Variants in TBX20 observed in about 807,000 individuals in gnomAD.
The protein encoded by TBX20 is T-box transcription factor 20.
In TBX20, 8 loss-of-function variants were observed where a neutral mutation model predicts 42.9. The ratio of observed to expected loss-of-function variants is 0.19; its 90% CI spans 0.11 to 0.34. The LOEUF is 0.34. Among genes scored for constraint, TBX20 ranks in the 10% least tolerant of loss-of-function variants. The pLI, the probability that TBX20 is intolerant of heterozygous loss-of-function variation, is 1.00. For missense variants in TBX20, 411 were observed against 566.0 expected, an observed-to-expected ratio of 0.73 and a Z score of 2.78; for synonymous variants, 198 against 222.8, an observed-to-expected ratio of 0.89 and a Z score of 0.99.
At chr7:35,208,559 A>G (rs1030793176) in intron 6 of TBX20, among the ~76,000 whole-genome samples, 1 of 152,034 alleles carries the variant, frequency 6.6e-6, no homozygotes, top group Non-Finnish European at 1.5e-5. Context: ...CCTGACCAAC[A>G]TGGAGAAACC....
At chr7:35,212,964 A>G (rs1490808859) in intron 6 of TBX20, among the ~76,000 whole-genome samples, 12 of 152,070 alleles carry the variant, frequency 7.9e-5, no homozygotes, top group Non-Finnish European at 1.6e-4. Context: ...TGTCTGTCCT[A>G]TGAATTCTCA....
Position 35,245,041 on chromosome 7 carries a change from C to T in TBX20, c.562G>A (p.Asp188Asn), listed in dbSNP as rs1790154297. The change falls in exon 4 of 8, where the codon GAT becomes AAT. Residue 188 changes from aspartate (D) to asparagine (N), a missense_variant. Asp to Asn is a conservative substitution (Grantham distance 23). Around this residue, in one of 5 missense-constraint regions of TBX20, gnomAD observed 121 missense variants for 165.9 expected, o/e 0.73. Coordinates refer to ENST00000408931, the MANE Select transcript of TBX20 (RefSeq NM_001077653.2). ...PLPARLYVHPDSPFTGEQLLK... is the reference protein window; with the variant it reads ...PLPARLYVHPNSPFTGEQLLK... ...AGTTGCTCACCGGTAAAAGGAGAAT[C>T]TGGATGCACATAGAGCCTAAGAAAA... is the stretch of plus-strand genomic sequence containing the variant. 1.2e-6 allele frequency: 2 copies of T among 1,613,192 alleles called. No homozygotes were observed. The highest frequency in any genetic ancestry group is 1.7e-6 in the Non-Finnish European group (2 of 1,179,432).
chr7:35,225,448 C>T (rs2128712683), intron 6 of TBX20, among the ~76,000 whole-genome samples: 1 of 152,118 alleles, frequency 6.6e-6, no homozygotes, highest in East Asian at 1.9e-4. Context: ...GTTAGTTAAC[C>T]TGTTTGTGTG....
Position 35,253,390 on chromosome 7 carries a change from A to T in TBX20, c.127+104T>A. The stretch of plus-strand genomic sequence containing the variant: ...ATCTCCCACCCGCGATGTATGGCTC[A>T]TGGCTTGAGCATCAGACGTTGCTGC... On this transcript the variant is annotated intron_variant, in intron 1 of 7. Transcript: ENST00000408931. The T allele has an allele frequency of 2.2e-6, 3 of 1,384,884 alleles. No individual in the cohort carries two copies. In the South Asian group the frequency reaches 3.7e-5, roughly 17 times the overall value. 85.8% of individuals were successfully genotyped at this position (1,384,884 alleles called of 1,614,324 possible). A position where few individuals can be genotyped will look rare whatever the true frequency, so the allele number is the denominator to read the frequency against.
At chr7:35,212,880 A>T (rs1789521219) in intron 6 of TBX20, among the ~76,000 whole-genome samples, 1 of 152,118 alleles carries the variant, frequency 6.6e-6, no homozygotes, top group Non-Finnish European at 1.5e-5. Flanking sequence ...GATCCTCTAT[A>T]AATCTTTGGA....
At position 35,249,207 on chromosome 7, in the gene TBX20, C is replaced by T. The variant is rs1235784453; in HGVS notation, c.381-366G>A. On this transcript the variant is annotated intron_variant, in intron 2 of 7. Transcript: ENST00000408931. This position sits in a 1 kb window ranked among gnomAD's most constrained non-coding sequence, Gnocchi z 4.3. ...CAGGACCCGAAGTCCCTGGAGCTGA[C>T]CCAGTCACACAACTCACCCGCATCC... Among the ~76,000 whole-genome samples, 3 of 152,210 alleles carry T rather than the reference C, an allele frequency of 2.0e-5. No individual in the cohort carries two copies. Among genetic ancestry groups the T allele is most frequent in the Non-Finnish European group, 4.4e-5 (3 of 68,038 alleles).
chr7:35,228,421 T>C (rs1487239190), intron 6 of TBX20, among the ~76,000 whole-genome samples: 1 of 152,080 alleles, frequency 6.6e-6, no homozygotes, highest in Non-Finnish European at 1.5e-5. Flanking sequence ...AAAGAATATA[T>C]AATGGGGTTT....
At chr7:35,251,292 T>C (rs141537525) in intron 1 of TBX20, among the ~76,000 whole-genome samples, 8 of 152,356 alleles carry the variant, frequency 5.3e-5, no homozygotes, top group African/African-American at 1.9e-4. Context: ...ATGTACATGA[T>C]GTGTGTGGGC....
chr7:35,212,678 T>G (rs1481303864), intron 6 of TBX20, among the ~76,000 whole-genome samples: 2 of 152,220 alleles, frequency 1.3e-5, no homozygotes, highest in East Asian at 3.8e-4. Context: ...GCAAAACCCT[T>G]CTGAATAGTC....
chr7:35,244,909 T>C, intron 4 of TBX20, 40 bp downstream of exon 4: 1 of 1,472,104 alleles, frequency 6.8e-7, no homozygotes, highest in South Asian at 1.1e-5. Context: ...CTGTCCATTC[T>C]ACCTCAGGGA....
chr7:35,208,080 CT>C (rs201373955), intron 6 of TBX20, among the ~76,000 whole-genome samples: 2,329 of 152,268 alleles, frequency 0.015, 46 homozygotes, highest in African/African-American at 0.052. Context: ...GTACATCCTT[CT>C]GTTTCATTAG....
Position 35,202,757 on chromosome 7 carries a change from T to G in TBX20, c.1017A>C (p.Thr339=), listed in dbSNP as rs112054378. Reference sequence around the variant, plus strand: ...AGCTGAGAGACAAATTATCAGATGTTGTAAAGGCTGACCCTGTAAGGAAAA... The same window carrying G: ...AGCTGAGAGACAAATTATCAGATGTGGTAAAGGCTGACCCTGTAAGGAAAA... ...QTTPNRGSAF[T]TSDNLSLSSW... Residue 339 remains threonine (T), a synonymous_variant, in exon 8 of 8, where the codon ACA becomes ACC. Transcript: ENST00000408931. 1,433 of 1,555,136 alleles carry G rather than the reference T, an allele frequency of 9.2e-4. 11 individuals carry two copies. In the African/African-American group the frequency reaches 0.017, roughly 19 times the overall value.
At chr7:35,245,908 G>C (rs1308399904) in intron 3 of TBX20, among the ~76,000 whole-genome samples, 1 of 152,194 alleles carries the variant, frequency 6.6e-6, no homozygotes, top group Non-Finnish European at 1.5e-5. Context: ...AAGTCAGAGA[G>C]AGACTACAGA....
At chr7:35,228,210 CA>C (rs1347618797) in intron 6 of TBX20, among the ~76,000 whole-genome samples, 1 of 151,874 alleles carries the variant, frequency 6.6e-6, no homozygotes, top group African/African-American at 2.4e-5. Context: ...TTTGTGACAG[CA>C]AAAAATCAGA....
chr7:35,215,113 C>T (rs1789562120), intron 6 of TBX20, among the ~76,000 whole-genome samples: 3 of 152,132 alleles, frequency 2.0e-5, no homozygotes, highest in Admixed American at 2.0e-4. Context: ...AAACATTTTG[C>T]TTTTCTGAAA....
chr7:35,226,151 A>G (rs989228868), intron 6 of TBX20, among the ~76,000 whole-genome samples: 2 of 152,160 alleles, frequency 1.3e-5, no homozygotes, highest in African/African-American at 4.8e-5. Context: ...GAAAAACTAA[A>G]AAGCAGTAAG....
chr7:35,230,959 T>G (rs1444713310), intron 6 of TBX20, among the ~76,000 whole-genome samples: 1 of 152,164 alleles, frequency 6.6e-6, no homozygotes, highest in South Asian at 2.1e-4. Flanking sequence ...AAAAGTAGGG[T>G]AAGTTACAGG....
At chr7:35,240,107 T>C (rs1584354930) in intron 5 of TBX20, among the ~76,000 whole-genome samples, 3 of 152,184 alleles carry the variant, frequency 2.0e-5, no homozygotes, top group Admixed American at 1.3e-4. Flanking sequence ...ATAGGTTGAG[T>C]ATCCCTTATC....
Position 35,202,439 on chromosome 7 carries a change from T to A in TBX20, c.1335A>T (p.Pro445=). The A allele has an allele frequency of 7.5e-7, 1 of 1,339,910 alleles. No homozygotes were observed. The highest frequency in any genetic ancestry group is 9.8e-7 in the Non-Finnish European group (1 of 1,018,482). The allele number at this position is 1,339,910 out of a possible 1,614,324, so 83.0% of individuals were successfully genotyped here. ...GLRHSSAVMT[P]FV ...CCCATTTTTAGAAGAGTCATACAAA[T>A]GGCGTCATCACAGCAGAGGAATGGC... Residue 445 remains proline, a synonymous_variant, in exon 8 of 8, where the codon CCA becomes CCT. Transcript: ENST00000408931.
Sources: gnomAD v4.1 joint callset for allele counts (sites outside exome capture counted in the v4.1 genomes callset) on GRCh38, gnomAD v4.1.1 for gene constraint, gnomAD v4.1.1 regional missense constraint, Gnocchi (gnomAD v3.1) non-coding constraint, MANE v1.5 for transcripts, NCBI Gene and HGNC (gene_info 2026-07-23, HGNC 2026-07-21) for gene names.